Variants in XKR6 observed in about 807,000 individuals in gnomAD.
XKR6 encodes XK related 6.
XKR6 carries 22 observed loss-of-function variants against 56.7 expected under a neutral mutation model. The ratio of observed to expected loss-of-function variants is 0.39; its 90% CI spans 0.28 to 0.55. The LOEUF is 0.55. Among genes scored for constraint, XKR6 ranks in the 20% least tolerant of loss-of-function variants. XKR6 has a pLI of 0.66. For synonymous variants in XKR6, 524 were observed against 387.8 expected (o/e 1.35, Z -4.13); for missense variants, 852 against 889.0 (o/e 0.96, Z 0.53).
chr8:11,063,562 T>C (rs552415712), intron 1 of XKR6, among the ~76,000 whole-genome samples: 38 of 151,470 alleles, frequency 2.5e-4, no homozygotes, highest in African/African-American at 8.5e-4. Flanking sequence ...GATTATGTTA[T>C]GGCATTGATC....
At chr8:10,933,497 C>T (rs927189899) in intron 1 of XKR6, among the ~76,000 whole-genome samples, 22 of 128,702 alleles carry the variant, frequency 1.7e-4, no homozygotes, top group Non-Finnish European at 5.0e-5. Flanking sequence ...AGTGGTAATG[C>T]CTAGGTTTTC....
intron 1 of XKR6, among the ~76,000 whole-genome samples, chr8:11,085,239 C>A (rs1797848079): frequency 6.6e-6 from 1 of 152,182 alleles, no homozygotes; most frequent in Admixed American, 6.5e-5. Context: ...CTGCGGCCCC[C>A]ATGCTAGGTG....
chr8:10,997,261 C>A (rs540250860), intron 1 of XKR6, among the ~76,000 whole-genome samples: 31 of 152,318 alleles, frequency 2.0e-4, no homozygotes, highest in African/African-American at 6.3e-4. Flanking sequence ...TTATACATAC[C>A]TGTTTTTTTC....
chr8:11,100,464 T>C (rs1036741189), intron 1 of XKR6, among the ~76,000 whole-genome samples: 6 of 152,228 alleles, frequency 3.9e-5, no homozygotes, highest in Non-Finnish European at 7.3e-5. Context: ...TTGTGTTTAG[T>C]ACGCAATGAT....
intron 1 of XKR6, among the ~76,000 whole-genome samples, chr8:10,946,511 T>C (rs1388208977): frequency 1.3e-5 from 2 of 151,892 alleles, no homozygotes; most frequent in East Asian, 3.9e-4. Flanking sequence ...CTAAGGAGGT[T>C]CTTCATCCAC....
Position 10,970,849 on chromosome 8 carries a change from C to G in XKR6, c.765-46019G>C, listed in dbSNP as rs118144844. On this transcript the variant is annotated intron_variant, in intron 1 of 2. Coordinates refer to ENST00000416569, the MANE Select transcript of XKR6 (RefSeq NM_173683.4). Reference sequence around the variant, plus strand: ...CTCTGTATCATTAACAAAATTTCAGCCAGACATTGTTTTTTCTGCCTTTGA... The same window carrying G: ...CTCTGTATCATTAACAAAATTTCAGGCAGACATTGTTTTTTCTGCCTTTGA... Among the ~76,000 whole-genome samples the G allele has an allele frequency of 5.4e-3, 811 of 150,728 alleles. 27 individuals are homozygous for G. The East Asian group carries it at 0.099, about 18-fold the overall frequency.
Position 11,201,326 on chromosome 8 carries a change from G to A in XKR6, c.14C>T (p.Ser5Phe). The stretch of plus-strand genomic sequence containing the variant: ...GCCCACCCCCACGCCACCGCCATCG[G>A]ATTTCGCCGCCATCTTGACTCTCTT... Reference protein sequence around the residue: MAAKSDGGGVGVGFA... With the variant: MAAKFDGGGVGVGFA... The change falls in exon 1 of 3, where the codon TCC becomes TTC. Residue 5 changes from serine (S) to phenylalanine (F), a missense_variant. Coordinates refer to ENST00000416569, the MANE Select transcript of XKR6 (RefSeq NM_173683.4). The A allele has an allele frequency of 6.9e-7, 1 of 1,455,674 alleles. No homozygotes were observed. Among genetic ancestry groups the A allele is most frequent in the Non-Finnish European group, 9.1e-7 (1 of 1,099,266 alleles). 90.2% of individuals were successfully genotyped at this position (1,455,674 alleles called of 1,614,324 possible).
In XKR6 at chr8:10,897,865, T is replaced by C; in HGVS notation, c.*87A>G. On this transcript the variant is annotated 3_prime_UTR_variant, in exon 3 of 3. Coordinates refer to ENST00000416569, the MANE Select transcript of XKR6 (RefSeq NM_173683.4). Reference sequence around the variant, plus strand: ...TGGTGGTGGCGGTGGTTCTGTGTATTGGGGGAAGGGAGGGTTATATTTCTT... The same window carrying C: ...TGGTGGTGGCGGTGGTTCTGTGTATCGGGGGAAGGGAGGGTTATATTTCTT... The C allele has an allele frequency of 2.7e-6, 4 of 1,490,616 alleles. No homozygotes were observed. Among genetic ancestry groups the C allele is most frequent in the South Asian group, 2.8e-5 (2 of 72,404 alleles). 92.3% of individuals were successfully genotyped at this position (1,490,616 alleles called of 1,614,324 possible).
intron 1 of XKR6, among the ~76,000 whole-genome samples, chr8:11,085,121 C>A (rs897452953): frequency 6.6e-6 from 1 of 152,126 alleles, no homozygotes; most frequent in African/African-American, 2.4e-5. Context: ...CTGCAGCACT[C>A]CCTGGCCTCC....
chr8:11,158,746 G>C (rs550998281), intron 1 of XKR6, among the ~76,000 whole-genome samples: 9 of 152,272 alleles, frequency 5.9e-5, no homozygotes, highest in Admixed American at 5.9e-4. Context: ...TAAATGCAAA[G>C]ATGACGAAAC....
At chr8:11,109,621 C>T (rs541693497) in intron 1 of XKR6, 3 of 152,288 alleles carry the variant, frequency 2.0e-5, no homozygotes, top group African/African-American at 7.2e-5. Context: ...GCGAGTTTAT[C>T]CCCCAACCCT....
In XKR6 at chr8:10,960,007, CA is replaced by C. The variant is rs536762856; in HGVS notation, c.765-35178del. Among the ~76,000 whole-genome samples the C allele has an allele frequency of 1.0e-3, 154 of 151,390 alleles. 1 individual carries two copies. The South Asian group carries it at 0.019, about 19-fold the overall frequency. On this transcript the variant is annotated intron_variant, in intron 1 of 2. Coordinates refer to ENST00000416569, the MANE Select transcript of XKR6 (RefSeq NM_173683.4). ...CCTGGGATTACAAAAGCCTGAAGGTCAGGGGGGGGCCTCCTTAAAATTTGCA... is the reference window on the plus strand; with the variant it reads ...CCTGGGATTACAAAAGCCTGAAGGTCGGGGGGGGCCTCCTTAAAATTTGCA...
chr8:11,030,916 C>T (rs987691806), intron 1 of XKR6, among the ~76,000 whole-genome samples: 7 of 152,160 alleles, frequency 4.6e-5, no homozygotes, highest in African/African-American at 1.7e-4. Context: ...TTACAACTGC[C>T]CTATGAAGTA....
intron 1 of XKR6, among the ~76,000 whole-genome samples, chr8:10,999,776 G>T (rs552421964): frequency 4.6e-5 from 7 of 152,312 alleles, no homozygotes; most frequent in Non-Finnish European, 7.3e-5. Flanking sequence ...GTATGCCGTT[G>T]GGTTGATGCA....
chr8:11,108,413 A>G, intron 1 of XKR6: 1 of 437,690 alleles, frequency 2.3e-6, no homozygotes, highest in Non-Finnish European at 4.5e-6. Flanking sequence ...AAAAAGTCAC[A>G]CTTAGGGAGA....
chr8:10,919,699 A>G (rs1399148144), intron 2 of XKR6, among the ~76,000 whole-genome samples: 1 of 152,224 alleles, frequency 6.6e-6, no homozygotes, highest in Non-Finnish European at 1.5e-5. Context: ...TGGAATCTGC[A>G]TGCAGCCCTG....
At chr8:11,051,162 C>T (rs1355533533) in intron 1 of XKR6, among the ~76,000 whole-genome samples, 2 of 152,028 alleles carry the variant, frequency 1.3e-5, no homozygotes, top group African/African-American at 4.8e-5. Context: ...TGGATCACCC[C>T]CCATCTGCTA....
At chr8:11,178,576 A>ATATATATATATATATATT (rs1266024257) in intron 1 of XKR6, among the ~76,000 whole-genome samples, 1 of 135,960 alleles carries the variant, frequency 7.4e-6, no homozygotes. Context: ...ATATATATGT[A>ATATATATATATATATATT]TATATATATG....
chr8:10,970,884 T>C (rs1263067826), intron 1 of XKR6, among the ~76,000 whole-genome samples: 1 of 151,442 alleles, frequency 6.6e-6, no homozygotes, highest in African/African-American at 2.4e-5. Flanking sequence ...ATATGAAGAC[T>C]GTAATAGATT....
Sources: allele counts gnomAD v4.1 joint callset (sites outside exome capture counted in the v4.1 genomes callset), GRCh38; gene constraint gnomAD v4.1.1; transcripts MANE v1.5; gene names NCBI Gene and HGNC (gene_info 2026-07-23, HGNC 2026-07-21).